The following DENND1B variants were observed in gnomAD, a reference collection of about 807,000 sequenced individuals.
DENND1B encodes DENN domain-containing protein 1B.
DENND1B carries 59 observed loss-of-function variants against 90.1 expected under a neutral mutation model. The observed-to-expected ratio is 0.65, with a 90% CI of 0.53 to 0.81. The LOEUF is 0.81. Among genes scored for constraint, DENND1B ranks in the 40% least tolerant of loss-of-function variants. The pLI is 0.00. For synonymous variants in DENND1B, 337 were observed against 324.6 expected (o/e 1.04, Z -0.41); for missense variants, 862 against 912.6 (o/e 0.94, Z 0.71).
At chr1:197,544,804 A>AGAAGAAGAAGAGGAG (rs1670608009) in intron 18 of DENND1B, among the ~76,000 whole-genome samples, 1 of 128,246 alleles carries the variant, frequency 7.8e-6, no homozygotes, top group Non-Finnish European at 1.8e-5. Context: ...AGGAGGAAGA[A>AGAAGAAGAAGAGGAG]GAAGAAGAGG....
At chr1:197,722,505 A>G (rs1571502409) in intron 2 of DENND1B, among the ~76,000 whole-genome samples, 1 of 152,274 alleles carries the variant, frequency 6.6e-6, no homozygotes, top group African/African-American at 2.4e-5. Flanking sequence ...TTAGTTATCT[A>G]TAGGAAGACA....
chr1:197,781,701 C>T, the DENND1B span, among the ~76,000 whole-genome samples: 1 of 152,180 alleles, frequency 6.6e-6, no homozygotes, highest in African/African-American at 2.4e-5. Flanking sequence ...CACCTCAAAG[C>T]TCATAGAGTT....
intron 3 of DENND1B, among the ~76,000 whole-genome samples, chr1:197,704,742 T>C (rs1306805542): frequency 6.6e-6 from 1 of 152,114 alleles, no homozygotes; most frequent in South Asian, 2.1e-4. Context: ...AAATTACATA[T>C]TGCTTTTAAA....
chr1:197,763,688 T>A (rs1304904957), intron 2 of DENND1B, among the ~76,000 whole-genome samples: 1 of 152,224 alleles, frequency 6.6e-6, no homozygotes. Context: ...TAGAAAAAGA[T>A]AACCACCTGA....
At position 197,661,374 on chromosome 1, in the gene DENND1B, T is replaced by C. The variant is rs139687450; in HGVS notation, c.297-3005A>G. ...CACATAATCCTTAGTTAGAGCCTAATTGCTTTCATTTGTAGTCATTTCAAA... is the reference window on the plus strand; with the variant it reads ...CACATAATCCTTAGTTAGAGCCTAACTGCTTTCATTTGTAGTCATTTCAAA... On this transcript the variant is annotated intron_variant, in intron 5 of 22. Transcript: ENST00000620048. 2.6e-5 allele frequency among the ~76,000 whole-genome samples: 4 copies of C among 152,178 alleles called. No individual in the cohort carries two copies. The East Asian group carries it at 5.8e-4, about 22-fold the overall frequency.
chr1:197,514,402 T>C (rs758838700), intron 20 of DENND1B, among the ~76,000 whole-genome samples: 3 of 151,654 alleles, frequency 2.0e-5, no homozygotes, highest in Non-Finnish European at 3.0e-5. Flanking sequence ...TATTAGTAGA[T>C]ACTTGATGTT....
chr1:197,768,127 G>T (rs1246402814), intron 2 of DENND1B, among the ~76,000 whole-genome samples: 1 of 151,914 alleles, frequency 6.6e-6, no homozygotes, highest in East Asian at 1.9e-4. Flanking sequence ...TGCTGCAGCT[G>T]CTGCTGCTGC....
chr1:197,735,822 C>T, intron 2 of DENND1B: 1 of 1,607,784 alleles, frequency 6.2e-7, no homozygotes, highest in Non-Finnish European at 8.5e-7. Context: ...CAAAAAGGGA[C>T]AATTGGAAGA....
At chr1:197,673,190 C>T (rs1204167024) in intron 4 of DENND1B, among the ~76,000 whole-genome samples, 1 of 151,856 alleles carries the variant, frequency 6.6e-6, no homozygotes, top group Non-Finnish European at 1.5e-5. Context: ...ACAAATGTGA[C>T]CTCTAGTGCC....
At chr1:197,708,239 G>A (rs1157668737) in intron 3 of DENND1B, among the ~76,000 whole-genome samples, 1 of 62,772 alleles carries the variant, frequency 1.6e-5, no homozygotes, top group Admixed American at 1.7e-4. Context: ...GCTCAAGGAG[G>A]CCTGCCTGCC....
chr1:197,715,200 C>T, intron 2 of DENND1B, 126 bp from the exon 3 acceptor site: 1 of 623,696 alleles, frequency 1.6e-6, no homozygotes, highest in African/African-American at 1.9e-5. Context: ...TTTCTTTAAA[C>T]ATTTATAGTT....
At chr1:197,750,569 CCTA>C (rs1653337358) in intron 2 of DENND1B, among the ~76,000 whole-genome samples, 1 of 88,544 alleles carries the variant, frequency 1.1e-5, no homozygotes, top group East Asian at 3.9e-4. Flanking sequence ...GAAAAGCAAA[CCTA>C]GATAGATAGA....
intron 18 of DENND1B, among the ~76,000 whole-genome samples, chr1:197,543,977 C>A (rs1184164062): frequency 6.6e-6 from 1 of 151,594 alleles, no homozygotes; most frequent in Non-Finnish European, 1.5e-5. Flanking sequence ...AAAATCAAAA[C>A]CCTTGCCTTA....
At chr1:197,601,976 A>G (rs1676255149) in intron 13 of DENND1B, among the ~76,000 whole-genome samples, 2 of 151,682 alleles carry the variant, frequency 1.3e-5, no homozygotes, top group African/African-American at 4.8e-5. Flanking sequence ...TCTGATAATA[A>G]CTATTTAAAA....
upstream of DENND1B, among the ~76,000 whole-genome samples, chr1:197,780,132 C>T (rs1657390880): frequency 6.6e-6 from 1 of 152,038 alleles, no homozygotes; most frequent in Non-Finnish European, 1.5e-5. Context: ...CTTTTTTCCC[C>T]TTAACTATGC....
At chr1:197,775,003 C>G (rs919207202) in intron 1 of DENND1B, 136 bp downstream of exon 1, 2 of 471,210 alleles carry the variant, frequency 4.2e-6, no homozygotes, top group African/African-American at 4.2e-5. Flanking sequence ...GGGGCCGGAC[C>G]GCACCCCCAG....
At chr1:197,628,999 A>G (rs1205777326) in intron 10 of DENND1B, among the ~76,000 whole-genome samples, 1 of 152,094 alleles carries the variant, frequency 6.6e-6, no homozygotes, top group Non-Finnish European at 1.5e-5. Context: ...ACCAGTTAGA[A>G]TGAACATCAT....
At chr1:197,634,270 A>G (rs944453790) in intron 10 of DENND1B, among the ~76,000 whole-genome samples, 2 of 152,160 alleles carry the variant, frequency 1.3e-5, no homozygotes, top group Non-Finnish European at 2.9e-5. Context: ...TAGTTTTTAA[A>G]TTCTTTATAT....
chr1:197,638,954 T>C (rs976408070), intron 10 of DENND1B, among the ~76,000 whole-genome samples: 8 of 152,138 alleles, frequency 5.3e-5, no homozygotes, highest in African/African-American at 1.7e-4. Flanking sequence ...AATACCACAC[T>C]TTAAAATATA....
Sources: gnomAD v4.1 joint callset for allele counts (sites outside exome capture counted in the v4.1 genomes callset) on GRCh38, gnomAD v4.1.1 for gene constraint, MANE v1.5 for transcripts, NCBI Gene and HGNC (gene_info 2026-07-23, HGNC 2026-07-21) for gene names.